The following PI4KA variants were observed in gnomAD, a reference collection of about 807,000 sequenced individuals.
PI4KA encodes the protein phosphatidylinositol 4-kinase alpha, also known as PI4-kinase alpha.
In PI4KA, 122 loss-of-function variants were observed where a neutral mutation model predicts 271.4. That is an observed-to-expected ratio of 0.45 (90% CI 0.39 to 0.52). The LOEUF is 0.52. PI4KA is among the 20% of genes least tolerant of loss of function. The probability of loss-of-function intolerance (pLI) is 0.00; values close to 1 mark genes in which losing one functional copy is unlikely to be tolerated. For synonymous variants in PI4KA, 1,041 were observed against 1,078.8 expected (o/e 0.96, Z 0.69); for missense variants, 1,969 against 2,769.1 (o/e 0.71, Z 6.48).
At chr22:20,752,610 G>A (rs1930823748) in intron 25 of PI4KA, among the ~76,000 whole-genome samples, 1 of 152,190 alleles carries the variant, frequency 6.6e-6, no homozygotes, top group Admixed American at 6.5e-5. Context: ...GCTAGAAGAT[G>A]GTGCACCAGG....
intron 4 of PI4KA, among the ~76,000 whole-genome samples, chr22:20,821,627 T>C (rs566452986): frequency 6.6e-6 from 1 of 151,764 alleles, no homozygotes; most frequent in Non-Finnish European, 1.5e-5. Flanking sequence ...GGTTTCACTC[T>C]TGTTGCCCAG....
intron 18 of PI4KA, 24 bp from the exon 19 acceptor site, chr22:20,793,267 C>T: frequency 7.1e-7 from 1 of 1,402,286 alleles, no homozygotes; most frequent in Non-Finnish European, 1.0e-6. Context: ...GAATTATTGT[C>T]ATTAACGAGT....
intron 1 of PI4KA, among the ~76,000 whole-genome samples, chr22:20,857,380 G>A (rs1927727854): frequency 6.6e-6 from 1 of 152,102 alleles, no homozygotes; most frequent in African/African-American, 2.4e-5. Context: ...TATGAGAACC[G>A]ACAAGGCCAA....
chr22:20,824,535 C>T, intron 3 of PI4KA, 121 bp from the exon 4 acceptor site: 1 of 647,856 alleles, frequency 1.5e-6, no homozygotes, highest in Non-Finnish European at 2.7e-6. Context: ...TTTACAGCAG[C>T]TGCCCTCCTT....
At chr22:20,798,487 A>G in intron 17 of PI4KA, 97 bp downstream of exon 17, 1 of 842,482 alleles carries the variant, frequency 1.2e-6, no homozygotes, top group East Asian at 2.4e-5. Flanking sequence ...GTTTTCTTGC[A>G]AGAAGAGTTT....
At chr22:20,747,827 T>C in intron 28 of PI4KA, 125 bp from the exon 29 acceptor site, 1 of 851,542 alleles carries the variant, frequency 1.2e-6, no homozygotes, top group Admixed American at 2.4e-5. Context: ...CTCGACCTCT[T>C]AGACTCAAGC....
intron 19 of PI4KA, among the ~76,000 whole-genome samples, chr22:20,789,495 A>G (rs1405558856): frequency 6.6e-6 from 1 of 152,022 alleles, no homozygotes; most frequent in African/African-American, 2.4e-5. Context: ...ACGCTTGGCT[A>G]ATTTTTGTAT....
rs200219320 is a variant in PI4KA at position 20,801,993 on chromosome 22, G to A, written c.1704C>T (p.Ile568=). The change falls in exon 14 of 55, where the codon ATC becomes ATT. Residue 568 remains isoleucine (I), a synonymous_variant. Coordinates refer to ENST00000255882, the MANE Select transcript of PI4KA (RefSeq NM_058004.4). ...QPSMYEQLRD[I]AIDNICRCLK... is the part of the protein sequence containing the mutation. Reference sequence around the variant, plus strand: ...CCCACCTGCAGATGTTGTCAATAGCGATGTCTCGGAGCTGCTCGTACATGG... The same window carrying A: ...CCCACCTGCAGATGTTGTCAATAGCAATGTCTCGGAGCTGCTCGTACATGG... 2.5e-5 allele frequency: 40 copies of A among 1,613,998 alleles called. No homozygotes were observed. Among genetic ancestry groups the A allele is most frequent in the Non-Finnish European group, 3.1e-5 (36 of 1,180,020 alleles).
At chr22:20,842,867 T>C (rs1925737388) in intron 1 of PI4KA, among the ~76,000 whole-genome samples, 1 of 151,000 alleles carries the variant, frequency 6.6e-6, no homozygotes, top group South Asian at 2.1e-4. Context: ...TCCCAGCACT[T>C]TGGGAGGCCG....
chr22:20,832,347 C>G (rs1924290554), intron 3 of PI4KA, among the ~76,000 whole-genome samples: 2 of 152,198 alleles, frequency 1.3e-5, no homozygotes, highest in South Asian at 4.1e-4. Context: ...GAACTCCTGA[C>G]CTTGTGATCC....
chr22:20,719,748 C>T (rs1006163107), intron 43 of PI4KA, among the ~76,000 whole-genome samples: 2 of 152,052 alleles, frequency 1.3e-5, no homozygotes, highest in African/African-American at 4.8e-5. Flanking sequence ...CTTTCTGGGC[C>T]GGGCGTGGTG....
At chr22:20,723,891 A>C (rs577876533) in intron 42 of PI4KA, among the ~76,000 whole-genome samples, 154 of 151,492 alleles carry the variant, frequency 1.0e-3, no homozygotes, top group African/African-American at 3.6e-3. Context: ...CAGGCTGGAG[A>C]GCAGTGGCAT....
intron 39 of PI4KA, among the ~76,000 whole-genome samples, 200 bp from the exon 40 acceptor site, chr22:20,728,064 ATAACT>A (rs1927579062): frequency 6.6e-6 from 1 of 152,234 alleles, no homozygotes; most frequent in African/African-American, 2.4e-5. Context: ...ACAGCCAATA[ATAACT>A]TAATTGTATA....
At chr22:20,813,332 T>C in intron 8 of PI4KA, 26 bp downstream of exon 8, 2 of 1,592,452 alleles carry the variant, frequency 1.3e-6, no homozygotes, top group East Asian at 2.2e-5. Context: ...ATCCATGGTC[T>C]GTTCATCCAT....
intron 7 of PI4KA, among the ~76,000 whole-genome samples, chr22:20,817,828 TA>T (rs953765672): frequency 9.4e-4 from 127 of 135,612 alleles, no homozygotes; most frequent in African/African-American, 3.1e-3. Flanking sequence ...TTAATGTCAT[TA>T]AAAAAAAATG....
chr22:20,806,779 G>A (rs1935677985), intron 10 of PI4KA, among the ~76,000 whole-genome samples: 1 of 151,880 alleles, frequency 6.6e-6, no homozygotes, highest in African/African-American at 2.4e-5. Context: ...CACATAGGCT[G>A]GAGTGCAGTG....
intron 22 of PI4KA, 138 bp downstream of exon 22, chr22:20,764,679 G>A: frequency 1.2e-6 from 1 of 813,916 alleles, no homozygotes; most frequent in Non-Finnish European, 1.9e-6. Context: ...AAAAGTAGAG[G>A]GTGTTTTTGC....
At chr22:20,812,012 C>CAAAA (rs361795) in intron 8 of PI4KA, among the ~76,000 whole-genome samples, 9 of 77,454 alleles carry the variant, frequency 1.2e-4, no homozygotes, top group South Asian at 9.3e-4. Flanking sequence ...GACTCCATCT[C>CAAAA]AAAAAAAAAA....
At chr22:20,842,031 C>T (rs1291632957) in intron 1 of PI4KA, among the ~76,000 whole-genome samples, 3 of 152,040 alleles carry the variant, frequency 2.0e-5, no homozygotes, top group African/African-American at 7.2e-5. Flanking sequence ...GCCTAGCCAA[C>T]ATTGTGAAAC....
Sources: allele counts gnomAD v4.1 joint callset (sites outside exome capture counted in the v4.1 genomes callset), GRCh38; gene constraint gnomAD v4.1.1; transcripts MANE v1.5; gene names NCBI Gene and HGNC (gene_info 2026-07-23, HGNC 2026-07-21).